The following CFI variants were observed in gnomAD, a reference collection of about 807,000 sequenced individuals.
CFI encodes complement factor I.
In CFI, 66 loss-of-function variants were observed where a neutral mutation model predicts 78.8. The observed-to-expected ratio is 0.84, with a 90% CI of 0.69 to 1.03. The LOEUF is 1.03. CFI is among the 50% of genes least tolerant of loss of function. The probability of loss-of-function intolerance (pLI) is 0.00; values close to 1 mark genes in which losing one functional copy is unlikely to be tolerated. For synonymous variants in CFI, 250 were observed against 232.6 expected (o/e 1.07, Z -0.68); for missense variants, 706 against 704.5 (o/e 1.00, Z -0.02).
At chr4:109,777,160 T>C (rs1384923319) in intron 1 of CFI, among the ~76,000 whole-genome samples, 2 of 152,168 alleles carry the variant, frequency 1.3e-5, no homozygotes, top group African/African-American at 4.8e-5. Context: ...ATGCTCGAAT[T>C]AAAAGACACA....
intron 1 of CFI, among the ~76,000 whole-genome samples, chr4:109,771,322 T>C (rs1423175265): frequency 6.6e-6 from 1 of 151,980 alleles, no homozygotes; most frequent in Non-Finnish European, 1.5e-5. Context: ...TTTGGGATGC[T>C]GAGGCAGGCA....
intron 6 of CFI, among the ~76,000 whole-genome samples, chr4:109,759,277 T>TA (rs1305883421): frequency 1.3e-5 from 2 of 150,680 alleles, no homozygotes; most frequent in Non-Finnish European, 3.0e-5. Flanking sequence ...ATAATAATAG[T>TA]ATGAAAAAAA....
At chr4:109,749,426 T>C in intron 9 of CFI, 73 bp downstream of exon 9, 1 of 1,481,346 alleles carries the variant, frequency 6.8e-7, no homozygotes, top group Non-Finnish European at 9.4e-7. Context: ...AATTACATCA[T>C]CCTCCTGCCC....
At chr4:109,764,477 C>T in intron 3 of CFI, 60 bp downstream of exon 3, 1 of 1,587,774 alleles carries the variant, frequency 6.3e-7, no homozygotes, top group South Asian at 1.1e-5. Context: ...GTTAGGTAAT[C>T]AAAAAGCAAA....
chr4:109,759,996 G>T, intron 6 of CFI: 1 of 568,282 alleles, frequency 1.8e-6, no homozygotes. Flanking sequence ...TAACTTGCAG[G>T]TGGAAAATGG....
chr4:109,792,264 C>T (rs1731473727), intron 1 of CFI, among the ~76,000 whole-genome samples: 1 of 152,028 alleles, frequency 6.6e-6, no homozygotes, highest in Admixed American at 6.6e-5. Context: ...AGTATTGAAG[C>T]TTCCAACTAT....
intron 1 of CFI, among the ~76,000 whole-genome samples, chr4:109,781,844 G>T (rs1007340619): frequency 6.6e-6 from 1 of 152,008 alleles, no homozygotes; most frequent in Non-Finnish European, 1.5e-5. Flanking sequence ...GGGATGCAGG[G>T]GTGGTTTAAC....
At chr4:109,756,871 CGAAAGAAA>C (rs199723870) in intron 7 of CFI, among the ~76,000 whole-genome samples, 2 of 113,764 alleles carry the variant, frequency 1.8e-5, no homozygotes, top group South Asian at 2.8e-4. Flanking sequence ...GACTCCGTCT[CGAAAGAAA>C]GAAAGAAAGG....
Position 109,746,267 on chromosome 4 carries a change from G to A in CFI, c.1384C>T (p.Gln462Ter). ...ACVPWSPYLF[Q>*]PNDTCIVSGW... Reference sequence around the variant, plus strand: ...GAAACGATGCATGTATCATTAGGTTGGAATAGGTAAGGAGACCAGGGGACA... The same window carrying A: ...GAAACGATGCATGTATCATTAGGTTAGAATAGGTAAGGAGACCAGGGGACA... Residue 462 changes from glutamine to a stop codon, truncating the protein, a stop_gained, in exon 11 of 13, where the codon CAA becomes TAA. Transcript: ENST00000394634. LOFTEE classifies it high-confidence loss of function. The A allele has an allele frequency of 6.2e-7, 1 of 1,614,164 alleles. No individual in the cohort carries two copies. Among genetic ancestry groups the A allele is most frequent in the Non-Finnish European group, 8.5e-7 (1 of 1,180,022 alleles).
chr4:109,756,888 G>GGAAAGAAA (rs561123299), intron 7 of CFI, among the ~76,000 whole-genome samples: 829 of 57,834 alleles, frequency 0.014, 93 homozygotes, highest in Admixed American at 0.019. Flanking sequence ...AAGAAAGAAA[G>GGAAAGAAA]GAAAGAAAGA....
chr4:109,783,236 C>G (rs2125849442), intron 1 of CFI, among the ~76,000 whole-genome samples: 1 of 152,190 alleles, frequency 6.6e-6, no homozygotes, highest in South Asian at 2.1e-4. Flanking sequence ...GCAGAGTAAA[C>G]AGACAACCCA....
chr4:109,755,688 C>T lies in CFI; in HGVS notation c.904+2075G>A, dbSNP rs373210805. The stretch of plus-strand genomic sequence containing the variant: ...CCTTGACAGATGTGGGACCTGCGAC[C>T]TTGGACCTCACAACCTCCAAAACTG... On this transcript the variant is annotated intron_variant, in intron 7 of 12. Transcript: ENST00000394634. Among the ~76,000 whole-genome samples the T allele has an allele frequency of 5.9e-5, 9 of 152,248 alleles. No individual in the cohort carries two copies. The East Asian group carries it at 1.3e-3, about 23-fold the overall frequency.
intron 1 of CFI, among the ~76,000 whole-genome samples, chr4:109,796,596 G>C (rs1228427664): frequency 1.3e-5 from 2 of 152,206 alleles, no homozygotes; most frequent in Non-Finnish European, 2.9e-5. Context: ...GAGGCCAGGA[G>C]TTTGAGACTA....
chr4:109,764,727 C>T, intron 2 of CFI, 37 bp from the exon 3 acceptor site: 2 of 1,585,196 alleles, frequency 1.3e-6, no homozygotes, highest in East Asian at 2.2e-5. Flanking sequence ...CAATATGTAG[C>T]CATTCACTTT....
rs894610908 is a variant in CFI at position 109,769,781 on chromosome 4, C to T, written c.58-2957G>A. ...TCTTGGGCAGGAGTCCTGTTTCCCT[C>T]CTGAGGACCCACACCTGTCTGTTGC... On this transcript the variant is annotated intron_variant, in intron 1 of 12. Transcript: ENST00000394634. Among the ~76,000 whole-genome samples the T allele has an allele frequency of 4.6e-5, 7 of 152,170 alleles. No homozygotes were observed. In the South Asian group the frequency reaches 1.2e-3, roughly 27 times the overall value.
At chr4:109,758,952 G>A (rs1328140980) in intron 6 of CFI, among the ~76,000 whole-genome samples, 1 of 152,216 alleles carries the variant, frequency 6.6e-6, no homozygotes, top group African/African-American at 2.4e-5. Context: ...AATTAGCCAA[G>A]CGTGATGGCA....
the CFI span, among the ~76,000 whole-genome samples, chr4:109,735,106 T>G: frequency 9.5e-3 from 1,452 of 152,222 alleles, 26 homozygotes; most frequent in African/African-American, 0.032. Flanking sequence ...TGTACACAAC[T>G]GTGACTGGCT....
At chr4:109,780,358 A>T (rs547207190) in intron 1 of CFI, among the ~76,000 whole-genome samples, 29 of 152,240 alleles carry the variant, frequency 1.9e-4, no homozygotes, top group Non-Finnish European at 3.5e-4. Flanking sequence ...ACACTTCTCA[A>T]AAGAAGACAT....
At chr4:109,735,160 G>C in the CFI span, among the ~76,000 whole-genome samples, 2 of 152,124 alleles carry the variant, frequency 1.3e-5, no homozygotes, top group African/African-American at 4.8e-5. Context: ...TCCCTGTGTT[G>C]CCCAGGCTGG....
Sources: allele counts gnomAD v4.1 joint callset (sites outside exome capture counted in the v4.1 genomes callset), GRCh38; gene constraint gnomAD v4.1.1; transcripts MANE v1.5; gene names NCBI Gene and HGNC (gene_info 2026-07-23, HGNC 2026-07-21).